PLXNC1: variants seen among roughly 807,000 people sequenced by gnomAD.
The protein encoded by PLXNC1 is plexin C1.
PLXNC1 carries 75 observed loss-of-function variants against 178.2 expected under a neutral mutation model. The observed-to-expected ratio is 0.42, with a 90% CI of 0.35 to 0.51. PLXNC1 has a LOEUF of 0.51. Among genes scored for constraint, PLXNC1 ranks in the 20% least tolerant of loss-of-function variants. The probability of loss-of-function intolerance (pLI) is 0.02; values close to 1 mark genes in which losing one functional copy is unlikely to be tolerated. For missense variants in PLXNC1, 1,503 were observed against 1,984.4 expected, an observed-to-expected ratio of 0.76 and a Z score of 4.61; for synonymous variants, 790 against 779.9, an observed-to-expected ratio of 1.01 and a Z score of -0.22.
intron 25 of PLXNC1, 21 bp downstream of exon 25, chr12:94,297,241 GCTCACCACTGAA>G: frequency 6.2e-7 from 1 of 1,613,794 alleles, no homozygotes; most frequent in South Asian, 1.1e-5. Context: ...GCTTTCTTGT[GCTCACCACTGAA>G]CTGCATGCCT....
At chr12:94,215,711 G>C (rs562878183) in intron 5 of PLXNC1, among the ~76,000 whole-genome samples, 20 of 151,748 alleles carry the variant, frequency 1.3e-4, no homozygotes, top group African/African-American at 4.3e-4. Flanking sequence ...TAAAATAAGA[G>C]GAAACAAAAA....
At chr12:94,251,384 C>A (rs1231571740) in intron 14 of PLXNC1, 42 bp from the exon 15 acceptor site, 1 of 1,137,382 alleles carries the variant, frequency 8.8e-7, no homozygotes, top group Non-Finnish European at 1.3e-6. Context: ...TAAATACAGT[C>A]CCCAACTCAA....
At chr12:94,227,772 C>G (rs1963986682) in intron 9 of PLXNC1, among the ~76,000 whole-genome samples, 1 of 152,132 alleles carries the variant, frequency 6.6e-6, no homozygotes, top group Non-Finnish European at 1.5e-5. Context: ...TTGGAAATGC[C>G]CGTTATTTTC....
rs990775428 is a variant in PLXNC1 at position 94,232,825 on chromosome 12, C to G, written c.1981-4839C>G. Among the ~76,000 whole-genome samples the G allele has an allele frequency of 2.0e-5, 3 of 152,146 alleles. No individual in the cohort carries two copies. The South Asian group carries it at 6.2e-4, about 32-fold the overall frequency. The stretch of plus-strand genomic sequence containing the variant: ...AGAGTATCTAAGCCTCACAATGGAC[C>G]TATTTTCCCCATTTTATAGATAAGG... On this transcript the variant is annotated intron_variant, in intron 9 of 30. Coordinates refer to ENST00000258526, the MANE Select transcript of PLXNC1 (RefSeq NM_005761.3).
intron 20 of PLXNC1, among the ~76,000 whole-genome samples, chr12:94,264,876 G>T (rs528804391): frequency 2.4e-4 from 36 of 152,354 alleles, no homozygotes; most frequent in African/African-American, 7.9e-4. Context: ...GTGCAGATGT[G>T]CATTCGCGAT....
intron 4 of PLXNC1, among the ~76,000 whole-genome samples, chr12:94,206,346 T>G (rs1963298845): frequency 1.3e-5 from 2 of 152,110 alleles, no homozygotes; most frequent in African/African-American, 4.8e-5. Flanking sequence ...TAGTATTATC[T>G]CGAATACATT....
chr12:94,292,149 A>G (rs1163340217), intron 23 of PLXNC1, among the ~76,000 whole-genome samples: 2 of 152,248 alleles, frequency 1.3e-5, no homozygotes, highest in Non-Finnish European at 2.9e-5. Flanking sequence ...TTGCAACATG[A>G]ATACATGTCA....
At position 94,297,233 on chromosome 12, in the gene PLXNC1, T is replaced by G. The variant is rs1349364585; in HGVS notation, c.3966+13T>G. The G allele has an allele frequency of 1.2e-6, 2 of 1,613,888 alleles. No homozygotes were observed. Among genetic ancestry groups the G allele is most frequent in the African/African-American group, 1.3e-5 (1 of 74,924 alleles). On this transcript the variant is annotated intron_variant, in intron 25 of 30. Transcript: ENST00000258526. ...CCACTGCCATTTGGTGAGTTCAGGC[T>G]TTCTTGTGCTCACCACTGAACTGCA...
rs1285533880 is a variant in PLXNC1 at position 94,297,365 on chromosome 12, G to C, written c.4016G>C (p.Arg1339Pro). 1 of 1,613,854 alleles carries C rather than the reference G, an allele frequency of 6.2e-7. No homozygotes were observed. The highest frequency in any genetic ancestry group is 8.5e-7 in the Non-Finnish European group (1 of 1,179,948). ...CAAGATGTGCAAGGAAAGAGACATC[G>C]AGGGAAGCACAAGTTCAAAGTAAAA... Reference protein sequence around the residue: ...AFQDVQGKRHRGKHKFKVKEM... With the variant: ...AFQDVQGKRHPGKHKFKVKEM... The change falls in exon 26 of 31, where the codon CGA (arginine) becomes CCA (proline). Residue 1339 changes from arginine to proline, a missense_variant. Physicochemically the swap from Arg to Pro is moderately radical, Grantham distance 103 (BLOSUM62 -2). Transcript: ENST00000258526.
intron 23 of PLXNC1, chr12:94,282,752 C>T (rs1024792249): frequency 3.8e-5 from 7 of 183,336 alleles, no homozygotes; most frequent in Admixed American, 1.1e-4. Context: ...AAACAAAGCC[C>T]GGGAAGTCCC....
intron 22 of PLXNC1, 163 bp downstream of exon 22, chr12:94,279,812 T>C (rs1246776519): frequency 2.8e-6 from 2 of 727,214 alleles, no homozygotes; most frequent in East Asian, 5.4e-5. Context: ...AAGAGACTGC[T>C]TTGGTCTCTC....
intron 6 of PLXNC1, among the ~76,000 whole-genome samples, 195 bp from the exon 7 acceptor site, chr12:94,224,033 T>A (rs1963870215): frequency 6.6e-6 from 1 of 152,228 alleles, no homozygotes; most frequent in South Asian, 2.1e-4. Flanking sequence ...AGGCTTGAGC[T>A]GTGCACTTCG....
At position 94,259,394 on chromosome 12, in the gene PLXNC1, A is replaced by T. The variant is rs770869776; in HGVS notation, c.3126+19A>T. On this transcript the variant is annotated intron_variant, in intron 18 of 30. Transcript: ENST00000258526. The stretch of plus-strand genomic sequence containing the variant: ...TATGCATGTAAGTCTCTACGTTTTC[A>T]TTTTTAGCCCAGTGACTGCCTGATG... The T allele has an allele frequency of 1.3e-6, 2 of 1,577,452 alleles. No individual in the cohort carries two copies. Among genetic ancestry groups the T allele is most frequent in the East Asian group, 4.6e-5 (2 of 43,654 alleles).
chr12:94,204,056 C>T (rs1963224387), intron 4 of PLXNC1, among the ~76,000 whole-genome samples: 1 of 152,198 alleles, frequency 6.6e-6, no homozygotes, highest in Non-Finnish European at 1.5e-5. Flanking sequence ...GCAGGCCCCT[C>T]GACCTTGGAC....
chr12:94,252,606 A>G (rs961544255), intron 15 of PLXNC1, among the ~76,000 whole-genome samples: 2 of 152,242 alleles, frequency 1.3e-5, no homozygotes, highest in Non-Finnish European at 2.9e-5. Flanking sequence ...AGCTTATAAC[A>G]TTTAAAAATT....
chr12:94,294,393 C>A, intron 23 of PLXNC1, 93 bp from the exon 24 acceptor site: 1 of 625,944 alleles, frequency 1.6e-6, no homozygotes, highest in South Asian at 1.7e-5. Context: ...TAAGTGACAG[C>A]ATGTAAGATC....
Position 94,307,667 on chromosome 12 carries a change from G to GTAAC in PLXNC1, c.*2384_*2387dup, listed in dbSNP as rs1205588971. On this transcript the variant is annotated 3_prime_UTR_variant, in exon 31 of 31. Transcript: ENST00000258526. ...ATATCCAAAAAATAAACATTTTGAT[G>GTAAC]TAACTGTGGACTGTCTTTTTTTTTT... The GTAAC allele has an allele frequency of 3.6e-5, 5 of 138,206 alleles. No individual in the cohort carries two copies. Among genetic ancestry groups the GTAAC allele is most frequent in the African/African-American group, 1.3e-4 (5 of 37,970 alleles). 8.6% of individuals were successfully genotyped at this position (138,206 alleles called of 1,614,324 possible). A position where few individuals can be genotyped will look rare whatever the true frequency, so the allele number is the denominator to read the frequency against.
chr12:94,264,840 CGCTGT>C (rs1400934800), intron 20 of PLXNC1, among the ~76,000 whole-genome samples: 1 of 152,202 alleles, frequency 6.6e-6, no homozygotes, highest in African/African-American at 2.4e-5. Context: ...TACTGCACGT[CGCTGT>C]GAATGTGCAC....
chr12:94,184,240 C>T (rs1565798368), intron 3 of PLXNC1, among the ~76,000 whole-genome samples: 1 of 151,778 alleles, frequency 6.6e-6, no homozygotes, highest in Non-Finnish European at 1.5e-5. Context: ...GTCTCAGCCT[C>T]CCTAGTAGCT....
Sources: allele counts gnomAD v4.1 joint callset (sites outside exome capture counted in the v4.1 genomes callset), GRCh38; gene constraint gnomAD v4.1.1; transcripts MANE v1.5; gene names NCBI Gene and HGNC (gene_info 2026-07-23, HGNC 2026-07-21).